TAF4B: variants seen among roughly 807,000 people sequenced by gnomAD.
The protein encoded by TAF4B is TATA-box binding protein associated factor 4b.
A neutral mutation model predicts 86.4 loss-of-function variants in TAF4B; 38 were observed. That is an observed-to-expected ratio of 0.44 (90% CI 0.34 to 0.58). TAF4B has a LOEUF of 0.58. Ranked by LOEUF, TAF4B falls within the 20% of genes least tolerant of loss-of-function variation. The pLI, the probability that TAF4B is intolerant of heterozygous loss-of-function variation, is 0.02. For missense variants in TAF4B, 988 were observed against 1,027.6 expected (o/e 0.96, Z 0.53); for synonymous variants, 388 against 391.2 (o/e 0.99, Z 0.10).
intron 3 of TAF4B, among the ~76,000 whole-genome samples, chr18:26,271,875 C>T (rs1051210347): frequency 6.8e-5 from 10 of 147,290 alleles, no homozygotes; most frequent in African/African-American, 2.0e-4. Context: ...TGCAGTGAGC[C>T]GAGATCGCAC....
Position 26,265,114 on chromosome 18 carries a change from T to C in TAF4B, c.344-56T>C, listed in dbSNP as rs1406314298. The C allele has an allele frequency of 1.4e-5, 21 of 1,528,260 alleles. No homozygotes were observed. The South Asian group carries it at 1.7e-4, about 12-fold the overall frequency. 94.7% of individuals were successfully genotyped at this position (1,528,260 alleles called of 1,614,324 possible). On this transcript the variant is annotated intron_variant, in intron 1 of 14. Coordinates refer to ENST00000269142, the MANE Select transcript of TAF4B (RefSeq NM_005640.3). ...AGAAATGGGAGAAGAAAATATGTGA[T>C]GGTTATGCTGTATTTAGTGGCTCAG...
At chr18:26,376,269 T>C (rs2057442464) in intron 14 of TAF4B, among the ~76,000 whole-genome samples, 2 of 152,004 alleles carry the variant, frequency 1.3e-5, no homozygotes, top group South Asian at 4.1e-4. Context: ...AGGAATTGCA[T>C]TGAATATATA....
intron 14 of TAF4B, among the ~76,000 whole-genome samples, chr18:26,380,652 G>A (rs1318265076): frequency 6.6e-6 from 1 of 152,018 alleles, no homozygotes; most frequent in Non-Finnish European, 1.5e-5. Flanking sequence ...TTATTTTAGT[G>A]CTTTGCCTGA....
At chr18:26,257,144 G>C (rs1452988749) in intron 1 of TAF4B, among the ~76,000 whole-genome samples, 1 of 152,066 alleles carries the variant, frequency 6.6e-6, no homozygotes, top group African/African-American at 2.4e-5. Context: ...TTTCCTTGCT[G>C]CTTTTCTGTT....
At chr18:26,354,017 G>A (rs62085449) in intron 13 of TAF4B, among the ~76,000 whole-genome samples, 17,162 of 152,104 alleles carry the variant, frequency 0.11, 1,013 homozygotes, top group African/African-American at 0.15. Context: ...TGTGAGGTTT[G>A]GATCCAGATT....
intron 9 of TAF4B, among the ~76,000 whole-genome samples, chr18:26,296,366 G>A (rs571588499): frequency 1.3e-5 from 2 of 151,968 alleles, no homozygotes; most frequent in East Asian, 3.9e-4. Context: ...CACCTTTTTA[G>A]CATTTTCTGA....
chr18:26,244,618 T>C (rs1022060455), intron 1 of TAF4B, among the ~76,000 whole-genome samples: 3 of 152,172 alleles, frequency 2.0e-5, no homozygotes, highest in Admixed American at 6.5e-5. Context: ...AGTACCTCAG[T>C]TGGGGATGCA....
chr18:26,390,173 T>G lies in TAF4B; in HGVS notation c.*161T>G. 1.5e-6 allele frequency: 1 copy of G among 645,624 alleles called. No homozygotes were observed. The highest frequency in any genetic ancestry group is 2.5e-6 in the Non-Finnish European group (1 of 398,232). The allele number at this position is 645,624 out of a possible 1,614,324, so 40.0% of individuals were successfully genotyped here. ...TATTAACTCTTACCTATCCATCTCA[T>G]GGGACTCTTACAGACTCAGATTCAT... is the stretch of plus-strand genomic sequence containing the variant. On this transcript the variant is annotated 3_prime_UTR_variant, in exon 15 of 15. Coordinates refer to ENST00000269142, the MANE Select transcript of TAF4B (RefSeq NM_005640.3).
intron 14 of TAF4B, among the ~76,000 whole-genome samples, chr18:26,358,903 G>A (rs149795030): frequency 6.6e-6 from 1 of 152,192 alleles, no homozygotes; most frequent in Non-Finnish European, 1.5e-5. Flanking sequence ...CTGAACATTG[G>A]TAGTTTCTAA....
At chr18:26,229,431 TTAAAG>T (rs1004651594) in intron 1 of TAF4B, among the ~76,000 whole-genome samples, 23 of 152,240 alleles carry the variant, frequency 1.5e-4, no homozygotes, top group Admixed American at 3.9e-4. Flanking sequence ...GAAACACTGA[TTAAAG>T]TAACTTTTTA....
intron 5 of TAF4B, among the ~76,000 whole-genome samples, chr18:26,279,162 C>T (rs1279528484): frequency 1.3e-5 from 2 of 152,088 alleles, no homozygotes; most frequent in Non-Finnish European, 2.9e-5. Flanking sequence ...AACTGATAAA[C>T]GACTTTAGTA....
intron 14 of TAF4B, among the ~76,000 whole-genome samples, chr18:26,387,974 T>A (rs1218819996): frequency 1.3e-5 from 2 of 152,018 alleles, no homozygotes; most frequent in Non-Finnish European, 2.9e-5. Flanking sequence ...AGAGATTTCC[T>A]TCCCCTCCAT....
intron 13 of TAF4B, among the ~76,000 whole-genome samples, chr18:26,336,220 T>C (rs2057090035): frequency 6.6e-6 from 1 of 152,218 alleles, no homozygotes; most frequent in Non-Finnish European, 1.5e-5. Context: ...TTTCATGCAA[T>C]TTTTAAGGAT....
chr18:26,333,586 TTGC>T (rs751061119), intron 12 of TAF4B, among the ~76,000 whole-genome samples: 3 of 152,104 alleles, frequency 2.0e-5, no homozygotes, highest in East Asian at 1.9e-4. Context: ...AAATGGGGTC[TTGC>T]TGCATTAGAT....
At chr18:26,327,877 G>T (rs2057017614) in intron 12 of TAF4B, among the ~76,000 whole-genome samples, 1 of 152,102 alleles carries the variant, frequency 6.6e-6, no homozygotes, top group South Asian at 2.1e-4. Context: ...TGAGCCACCC[G>T]CCTGGCCAAG....
intron 9 of TAF4B, among the ~76,000 whole-genome samples, chr18:26,306,401 A>T (rs1020644217): frequency 2.0e-5 from 3 of 152,132 alleles, no homozygotes; most frequent in South Asian, 2.1e-4. Flanking sequence ...TGCTGTCTTG[A>T]GGTACTTATC....
intron 14 of TAF4B, among the ~76,000 whole-genome samples, chr18:26,389,193 TA>T (rs1978558775): frequency 6.6e-6 from 1 of 152,220 alleles, no homozygotes. Context: ...TTAACCTATC[TA>T]AGCTCAGTTT....
chr18:26,298,955 G>A (rs546399331), intron 9 of TAF4B, among the ~76,000 whole-genome samples: 58 of 143,500 alleles, frequency 4.0e-4, no homozygotes, highest in Non-Finnish European at 7.2e-4. Context: ...TCTGCCTCCC[G>A]GGTTCAAGTG....
chr18:26,226,710 C>G lies in TAF4B; in HGVS notation c.-224C>G, dbSNP rs2055579657. ...TGCGAGAGGTCGGGCGGGTGTCGCT[C>G]CGGGGGCAGCCCAGGCTCGCGCGGA... is the stretch of plus-strand genomic sequence containing the variant. On this transcript the variant is annotated 5_prime_UTR_variant, in exon 1 of 15. Coordinates refer to ENST00000269142, the MANE Select transcript of TAF4B (RefSeq NM_005640.3). 2.5e-6 allele frequency: 1 copy of G among 406,228 alleles called. No homozygotes were observed. The allele number at this position is 406,228 out of a possible 1,614,324, so 25.2% of individuals were successfully genotyped here.
Sources: allele counts gnomAD v4.1 joint callset (sites outside exome capture counted in the v4.1 genomes callset), GRCh38; gene constraint gnomAD v4.1.1; transcripts MANE v1.5; gene names NCBI Gene and HGNC (gene_info 2026-07-23, HGNC 2026-07-21).